The following ERC2 variants were observed in gnomAD, a reference collection of about 807,000 sequenced individuals.
The protein encoded by ERC2 is ERC protein 2.
In ERC2, 42 loss-of-function variants were observed where a neutral mutation model predicts 114.8. The ratio of observed to expected loss-of-function variants is 0.37; its 90% CI spans 0.29 to 0.47. The LOEUF is 0.47. Among genes scored for constraint, ERC2 ranks in the 20% least tolerant of loss-of-function variants. The pLI, the probability that ERC2 is intolerant of heterozygous loss-of-function variation, is 0.99. For synonymous variants in ERC2, 454 were observed against 425.5 expected (o/e 1.07, Z -0.82); for missense variants, 939 against 1,150.7 (o/e 0.82, Z 2.66).
At chr3:56,122,372 G>A (rs527424673) in intron 6 of ERC2, among the ~76,000 whole-genome samples, 1 of 152,210 alleles carries the variant, frequency 6.6e-6, no homozygotes, top group South Asian at 2.1e-4. Context: ...TAATGGTGGT[G>A]GCCCCTGGAG....
At chr3:56,329,397 C>T (rs890947748) in intron 2 of ERC2, among the ~76,000 whole-genome samples, 5 of 152,182 alleles carry the variant, frequency 3.3e-5, no homozygotes, top group African/African-American at 1.2e-4. Context: ...GTTCTACCTC[C>T]AGGAGCCCTA....
chr3:55,711,654 C>T (rs1245451117), intron 15 of ERC2, among the ~76,000 whole-genome samples: 3 of 152,296 alleles, frequency 2.0e-5, no homozygotes, highest in Non-Finnish European at 4.4e-5. Context: ...AAAGCACTGC[C>T]TGGCACATAT....
Position 55,688,767 on chromosome 3 carries a change from G to C in ERC2, c.2848-4908C>G, listed in dbSNP as rs190524819. Among the ~76,000 whole-genome samples, 447 of 152,282 alleles carry C rather than the reference G, an allele frequency of 2.9e-3. 1 individual carries two copies. The highest frequency in any genetic ancestry group is 0.01 in the African/African-American group (419 of 41,552). ...CTTCACCTCCTTCATACTGTGCCAT[G>C]ATTCTCAGATGTGGGAACTTAGATA... is the stretch of plus-strand genomic sequence containing the variant. On this transcript the variant is annotated intron_variant, in intron 16 of 17. Coordinates refer to ENST00000288221, the MANE Select transcript of ERC2 (RefSeq NM_015576.3).
chr3:55,781,435 A>AAG (rs1438310495), intron 14 of ERC2, among the ~76,000 whole-genome samples: 2 of 152,124 alleles, frequency 1.3e-5, no homozygotes, highest in Non-Finnish European at 2.9e-5. Context: ...AGCCTGGGGG[A>AAG]AGAAACATTT....
chr3:55,593,514 C>T (rs994546217), intron 17 of ERC2, among the ~76,000 whole-genome samples: 4 of 152,206 alleles, frequency 2.6e-5, no homozygotes, highest in African/African-American at 2.4e-5. Flanking sequence ...TAAACTCTCT[C>T]CCAAGCTCCT....
At chr3:56,375,509 G>A (rs1477500105) in intron 2 of ERC2, among the ~76,000 whole-genome samples, 2 of 152,132 alleles carry the variant, frequency 1.3e-5, no homozygotes, top group East Asian at 3.9e-4. Flanking sequence ...ACAACTCTAG[G>A]CCTTGGGGAT....
chr3:55,869,558 G>C (rs894975572), intron 14 of ERC2, among the ~76,000 whole-genome samples: 11 of 151,990 alleles, frequency 7.2e-5, no homozygotes, highest in Admixed American at 3.3e-4. Context: ...CACCACACAG[G>C]TCGTAGTCTC....
At chr3:55,996,713 G>A (rs893359613) in intron 10 of ERC2, among the ~76,000 whole-genome samples, 1 of 152,172 alleles carries the variant, frequency 6.6e-6, no homozygotes, top group Non-Finnish European at 1.5e-5. Context: ...TCTGGGTTTT[G>A]ATGTGAACTG....
intron 15 of ERC2, among the ~76,000 whole-genome samples, chr3:55,727,300 C>G (rs1459023581): frequency 6.6e-6 from 1 of 152,162 alleles, no homozygotes; most frequent in Non-Finnish European, 1.5e-5. Context: ...TTGAGGCCCT[C>G]TCTCAAAACT....
At chr3:55,836,405 G>T (rs1049607610) in intron 14 of ERC2, among the ~76,000 whole-genome samples, 27 of 152,112 alleles carry the variant, frequency 1.8e-4, no homozygotes, top group Non-Finnish European at 3.1e-4. Flanking sequence ...CCAAAACAGA[G>T]ATATAGATCA....
rs117427274 is a variant in ERC2 at position 56,076,652 on chromosome 3, A to C, written c.1641+4165T>G. Among the ~76,000 whole-genome samples, 273 of 152,310 alleles carry C rather than the reference A, an allele frequency of 1.8e-3. 1 individual carries two copies. Among genetic ancestry groups the C allele is most frequent in the East Asian group, 0.013 (69 of 5,178 alleles). Reference sequence around the variant, plus strand: ...TCCATGTCTTGGAATTACAGAGTACAGCCAAAAGTATGTTAGTAGGGCCAA... The same window carrying C: ...TCCATGTCTTGGAATTACAGAGTACCGCCAAAAGTATGTTAGTAGGGCCAA... On this transcript the variant is annotated intron_variant, in intron 7 of 17. Coordinates refer to ENST00000288221, the MANE Select transcript of ERC2 (RefSeq NM_015576.3).
chr3:56,204,141 A>G (rs926316927), intron 3 of ERC2, among the ~76,000 whole-genome samples: 5 of 152,198 alleles, frequency 3.3e-5, no homozygotes, highest in Non-Finnish European at 7.4e-5. Context: ...GTGAGCCAAG[A>G]TCACACCACT....
intron 6 of ERC2, among the ~76,000 whole-genome samples, chr3:56,134,581 G>A (rs1436495254): frequency 6.6e-6 from 1 of 151,948 alleles, no homozygotes; most frequent in South Asian, 2.1e-4. Context: ...TTTTTGGTGG[G>A]GGGGTTTAAT....
intron 17 of ERC2, among the ~76,000 whole-genome samples, chr3:55,602,738 C>T (rs1010970048): frequency 6.6e-6 from 1 of 152,142 alleles, no homozygotes; most frequent in African/African-American, 2.4e-5. Context: ...CCTAAGCCAT[C>T]AGATGTTCAT....
chr3:55,552,407 C>T (rs571998002), intron 17 of ERC2, among the ~76,000 whole-genome samples: 1 of 152,306 alleles, frequency 6.6e-6, no homozygotes, highest in South Asian at 2.1e-4. Flanking sequence ...TCCTCCTTCT[C>T]TTTTCCCTTC....
intron 17 of ERC2, among the ~76,000 whole-genome samples, chr3:55,631,083 G>GT (rs1454233817): frequency 9.9e-5 from 15 of 152,054 alleles, no homozygotes; most frequent in African/African-American, 3.6e-4. Flanking sequence ...TTTCTGTTAA[G>GT]TAAGTGATTG....
intron 2 of ERC2, among the ~76,000 whole-genome samples, chr3:56,329,824 C>T (rs535189848): frequency 8.6e-5 from 13 of 150,558 alleles, no homozygotes; most frequent in Non-Finnish European, 1.2e-4. Flanking sequence ...ATATGTATTT[C>T]CACCATATAT....
At chr3:56,331,582 C>T (rs548038563) in intron 2 of ERC2, among the ~76,000 whole-genome samples, 1 of 152,170 alleles carries the variant, frequency 6.6e-6, no homozygotes, top group Non-Finnish European at 1.5e-5. Flanking sequence ...GTTTCTACCA[C>T]CCAGAAAGCC....
At chr3:55,681,956 A>G (rs929175215) in intron 17 of ERC2, among the ~76,000 whole-genome samples, 10 of 152,130 alleles carry the variant, frequency 6.6e-5, no homozygotes, top group African/African-American at 1.9e-4. Context: ...GCGCCCTGAT[A>G]CTCATGATGG....
Sources: allele counts gnomAD v4.1 joint callset (sites outside exome capture counted in the v4.1 genomes callset), GRCh38; gene constraint gnomAD v4.1.1; transcripts MANE v1.5; gene names NCBI Gene and HGNC (gene_info 2026-07-23, HGNC 2026-07-21).